Variants in MBD2 observed in about 807,000 individuals in gnomAD.
The protein encoded by MBD2 is methyl-CpG-binding domain protein 2.
A neutral mutation model predicts 39.3 loss-of-function variants in MBD2; 9 were observed. That is an observed-to-expected ratio of 0.23 (90% CI 0.14 to 0.40). MBD2 has a LOEUF of 0.40. MBD2 is among the 10% of genes least tolerant of loss of function. The probability of loss-of-function intolerance (pLI) is 1.00; values close to 1 mark genes in which losing one functional copy is unlikely to be tolerated. For missense variants in MBD2, 458 were observed against 532.6 expected (o/e 0.86, Z 1.38); for synonymous variants, 233 against 211.1 (o/e 1.10, Z -0.90).
chr18:54,213,058 G>T (rs1394699033), intron 1 of MBD2, among the ~76,000 whole-genome samples: 1 of 137,496 alleles, frequency 7.3e-6, no homozygotes, highest in East Asian at 2.4e-4. Flanking sequence ...CTTGGCAGTG[G>T]GGATGGGTGG....
At chr18:54,170,683 C>T (rs569823807) in intron 3 of MBD2, among the ~76,000 whole-genome samples, 4 of 152,288 alleles carry the variant, frequency 2.6e-5, no homozygotes, top group South Asian at 2.1e-4. Context: ...GTAGGATAAT[C>T]GGCAATCGCT....
intron 3 of MBD2, among the ~76,000 whole-genome samples, chr18:54,169,923 T>C: frequency 6.6e-6 from 1 of 152,200 alleles, no homozygotes; most frequent in East Asian, 1.9e-4. Context: ...TTTGTTACCT[T>C]CCAGTATATT....
In MBD2 at chr18:54,210,866, A is replaced by T. The variant is rs1010803384; in HGVS notation, c.543-5709T>A. On this transcript the variant is annotated intron_variant, in intron 1 of 6. Transcript: ENST00000256429. Reference sequence around the variant, plus strand: ...AGACTAAAAGAAACATCAACTTTCTATTTTTTTTTTTTTTTTTTTTTTTGA... The same window carrying T: ...AGACTAAAAGAAACATCAACTTTCTTTTTTTTTTTTTTTTTTTTTTTTTGA... Among the ~76,000 whole-genome samples the T allele has an allele frequency of 4.3e-3, 428 of 99,368 alleles. 1 individual carries two copies. The highest frequency in any genetic ancestry group is 6.2e-3 in the Non-Finnish European group (325 of 52,836). 65.2% of individuals were successfully genotyped at this position (99,368 alleles called of 152,430 possible).
Position 54,224,212 on chromosome 18 carries a change from G to A in MBD2, c.348C>T (p.Ser116=), listed in dbSNP as rs1173785759. 9 of 1,136,254 alleles carry A rather than the reference G, an allele frequency of 7.9e-6. No homozygotes were observed. Among genetic ancestry groups the A allele is most frequent in the Non-Finnish European group, 8.6e-6 (8 of 930,656 alleles). The allele number at this position is 1,136,254 out of a possible 1,614,324, so 70.4% of individuals were successfully genotyped here. ...GDGGGCGGGG[S]GGGGAPRREP... ...CCCGCCGGGGGGCGCCGCCGCCACC[G>A]CTGCCGCCGCCGCCGCAGCCGCCGC... Residue 116 remains serine, a synonymous_variant, in exon 1 of 7, where the codon AGC becomes AGT. Coordinates refer to ENST00000256429, the MANE Select transcript of MBD2 (RefSeq NM_003927.5).
At chr18:54,170,811 A>G (rs1310067341) in intron 3 of MBD2, among the ~76,000 whole-genome samples, 1 of 152,188 alleles carries the variant, frequency 6.6e-6, no homozygotes, top group Non-Finnish European at 1.5e-5. Context: ...AGGAAGAGGT[A>G]GCCCTTGAAA....
At chr18:54,168,613 TTGTGTGTGTGTGTGTGTGTGTGTGTGTG>T (rs60604906) in intron 3 of MBD2, among the ~76,000 whole-genome samples, 3 of 117,166 alleles carry the variant, frequency 2.6e-5, no homozygotes, top group South Asian at 2.8e-4. Flanking sequence ...GTATGCATAT[TTGTGTGTGTGTGTGTGTGTGTGTGTGTG>T]TGTGTGTGTG....
intron 1 of MBD2, among the ~76,000 whole-genome samples, chr18:54,216,114 A>G (rs1259961139): frequency 2.6e-5 from 4 of 152,190 alleles, no homozygotes; most frequent in African/African-American, 9.7e-5. Flanking sequence ...GCCCTTGAAG[A>G]TAGATTTTTT....
intron 1 of MBD2, among the ~76,000 whole-genome samples, chr18:54,217,028 G>A (rs1465806606): frequency 6.6e-6 from 1 of 152,172 alleles, no homozygotes; most frequent in Non-Finnish European, 1.5e-5. Flanking sequence ...GGCAGAGGGT[G>A]CAGTGAGTGG....
In MBD2 at chr18:54,168,572, C is replaced by CATATATATATATATATAT. The variant is rs56174434; in HGVS notation, c.841-2424_841-2407dup. 4.4e-4 allele frequency among the ~76,000 whole-genome samples: 51 copies of CATATATATATATATATAT among 114,872 alleles called. 2 individuals carry two copies. The highest frequency in any genetic ancestry group is 1.4e-3 in the African/African-American group (38 of 26,424). The allele number at this position is 114,872 out of a possible 152,430, so 75.4% of individuals were successfully genotyped here. On this transcript the variant is annotated intron_variant, in intron 3 of 6. Coordinates refer to ENST00000256429, the MANE Select transcript of MBD2 (RefSeq NM_003927.5). ...TTGTTATGCCATGAAAATGGAGATA[C>CATATATATATATATATAT]ATATATATATATATATATATATATA...
At chr18:54,160,514 C>T (rs1448992127) in intron 5 of MBD2, among the ~76,000 whole-genome samples, 1 of 151,044 alleles carries the variant, frequency 6.6e-6, no homozygotes, top group African/African-American at 2.4e-5. Context: ...TAAGAACATG[C>T]CATGAGTTTC....
chr18:54,167,180 G>C (rs1386499323), intron 3 of MBD2, among the ~76,000 whole-genome samples: 5 of 152,156 alleles, frequency 3.3e-5, no homozygotes, highest in Admixed American at 6.5e-5. Flanking sequence ...AGTTGGTACT[G>C]AAAAAATATT....
In MBD2 at chr18:54,159,748, C is replaced by T. The variant is rs2086081746; in HGVS notation, c.*12+17G>A. The T allele has an allele frequency of 6.2e-7, 1 of 1,603,016 alleles. No individual in the cohort carries two copies. On this transcript the variant is annotated intron_variant, in intron 6 of 6. Transcript: ENST00000256429. ...CACACCTTAAGTTCCAAGTCACTCT[C>T]TCTGGTGTCAGTTTACCTGATCATA...
intron 3 of MBD2, among the ~76,000 whole-genome samples, chr18:54,178,982 G>A (rs889635687): frequency 1.3e-5 from 2 of 151,968 alleles, no homozygotes; most frequent in Non-Finnish European, 2.9e-5. Flanking sequence ...TTTAAAAATT[G>A]AAGCCTGAGC....
Position 54,224,209 on chromosome 18 carries a change from A to ACCGCTGCCGCCGCCG in MBD2, c.336_350dup (p.Ser116_Gly120dup), listed in dbSNP as rs2086640572. ...GCTCCCGCCGGGGGGCGCCGCCGCC[A>ACCGCTGCCGCCGCCG]CCGCTGCCGCCGCCGCCGCAGCCGC... On this transcript the variant is annotated inframe_insertion, in exon 1 of 7. Coordinates refer to ENST00000256429, the MANE Select transcript of MBD2 (RefSeq NM_003927.5). 1 of 1,160,692 alleles carries ACCGCTGCCGCCGCCG rather than the reference A, an allele frequency of 8.6e-7. No homozygotes were observed. The highest frequency in any genetic ancestry group is 1.1e-6 in the Non-Finnish European group (1 of 945,632). 71.9% of individuals were successfully genotyped at this position (1,160,692 alleles called of 1,614,324 possible).
intron 3 of MBD2, among the ~76,000 whole-genome samples, chr18:54,172,594 A>T (rs1041796781): frequency 6.6e-6 from 1 of 152,162 alleles, no homozygotes; most frequent in Non-Finnish European, 1.5e-5. Flanking sequence ...TTCATTAATC[A>T]TTATATCCAA....
intron 5 of MBD2, among the ~76,000 whole-genome samples, chr18:54,164,171 C>G (rs1167109934): frequency 2.6e-5 from 4 of 152,176 alleles, no homozygotes; most frequent in African/African-American, 9.7e-5. Context: ...TAGGCATGAG[C>G]CACTGTGTCT....
intron 5 of MBD2, among the ~76,000 whole-genome samples, chr18:54,161,995 C>T (rs1471962464): frequency 6.6e-6 from 1 of 152,182 alleles, no homozygotes; most frequent in African/African-American, 2.4e-5. Context: ...CTACAGGCAG[C>T]TTCCAGGAGC....
intron 2 of MBD2, among the ~76,000 whole-genome samples, chr18:54,194,921 T>A (rs1453416950): frequency 1.3e-5 from 2 of 152,126 alleles, no homozygotes; most frequent in Non-Finnish European, 2.9e-5. Flanking sequence ...GTGTTCTCAA[T>A]CCAGTATCTC....
chr18:54,212,795 C>G (rs111498000), intron 1 of MBD2, among the ~76,000 whole-genome samples: 1 of 151,708 alleles, frequency 6.6e-6, no homozygotes, highest in Admixed American at 6.6e-5. Flanking sequence ...TTTGGGAAGC[C>G]GAGGCGGACA....
Sources: allele counts gnomAD v4.1 joint callset (sites outside exome capture counted in the v4.1 genomes callset), GRCh38; gene constraint gnomAD v4.1.1; transcripts MANE v1.5; gene names NCBI Gene and HGNC (gene_info 2026-07-23, HGNC 2026-07-21).